The following ANKRD30A variants were observed in gnomAD, a reference collection of about 807,000 sequenced individuals.
ANKRD30A encodes the protein ankyrin repeat domain-containing protein 30A.
A neutral mutation model predicts 166.3 loss-of-function variants in ANKRD30A; 170 were observed. The observed-to-expected ratio is 1.02, with a 90% CI of 0.90 to 1.16. The LOEUF is 1.16. Among genes scored for constraint, ANKRD30A ranks in the 50% most tolerant of loss-of-function variants. The pLI, the probability that ANKRD30A is intolerant of heterozygous loss-of-function variation, is 0.00. For missense variants in ANKRD30A, 1,630 were observed against 1,518.0 expected (o/e 1.07, Z -1.23); for synonymous variants, 564 against 508.9 (o/e 1.11, Z -1.46).
chr10:37,171,365 T>G (rs1839549105), intron 21 of ANKRD30A, among the ~76,000 whole-genome samples: 1 of 147,414 alleles, frequency 6.8e-6, no homozygotes, highest in African/African-American at 2.5e-5. Flanking sequence ...CTGTTAGAAA[T>G]TAAAATGAAA....
At chr10:37,142,626 C>T (rs1271719314) in intron 7 of ANKRD30A, among the ~76,000 whole-genome samples, 2 of 136,900 alleles carry the variant, frequency 1.5e-5, no homozygotes, top group Non-Finnish European at 3.0e-5. Flanking sequence ...GAACTGTCCC[C>T]TGGGCTGGAG....
In ANKRD30A at chr10:37,152,096, A is replaced by G. The variant is rs1298299193; in HGVS notation, c.1682A>G (p.Tyr561Cys). 3 of 1,609,624 alleles carry G rather than the reference A, an allele frequency of 1.9e-6. No individual in the cohort carries two copies. Among genetic ancestry groups the G allele is most frequent in the African/African-American group, 2.7e-5 (2 of 74,858 alleles). The change falls in exon 12 of 36, where the codon TAT (tyrosine) becomes TGT (cysteine). Residue 561 changes from tyrosine to cysteine, a missense_variant. Transcript: ENST00000361713. The stretch of plus-strand genomic sequence containing the variant: ...CCACCAGAATCCAAACAAAAGGACT[A>G]TGAAGAAAATTCTTGGGATTCTGAG... Reference protein sequence around the residue: ...MFPPESKQKDYEENSWDSESL... With the variant: ...MFPPESKQKDCEENSWDSESL...
In ANKRD30A at chr10:37,162,787, A is replaced by G. The variant is rs1839032876; in HGVS notation, c.1941A>G (p.Glu647=). Residue 647 remains glutamate (E), a synonymous_variant, in exon 17 of 36, where the codon GAA becomes GAG. Transcript: ENST00000361713. ...GKPSAFEPAT[E]MQKSVPNKAL... Reference sequence around the variant, plus strand: ...CCAACCCCATTTAGCCTGCCACTGAAATGCAAAAGTCTGTCCCAAATAAAG... The same window carrying G: ...CCAACCCCATTTAGCCTGCCACTGAGATGCAAAAGTCTGTCCCAAATAAAG... The G allele has an allele frequency of 6.2e-7, 1 of 1,613,768 alleles. No individual in the cohort carries two copies. The highest frequency in any genetic ancestry group is 1.3e-5 in the African/African-American group (1 of 75,002).
At position 37,217,787 on chromosome 10, in the gene ANKRD30A, A is replaced by G; in HGVS notation, c.3176A>G (p.His1059Arg). The G allele has an allele frequency of 1.9e-6, 3 of 1,600,798 alleles. No homozygotes were observed. The highest frequency in any genetic ancestry group is 2.6e-6 in the Non-Finnish European group (3 of 1,172,812). Residue 1059 changes from histidine (H) to arginine (R), a missense_variant, in exon 33 of 36, where the codon CAT becomes CGT. His to Arg is a conservative substitution (Grantham distance 29). Transcript: ENST00000361713. ...GAATTAGGAAGAATCGAAGAGCAGC[A>G]TAGGAAAGAGTTAGAAGTGAAACAA... is the stretch of plus-strand genomic sequence containing the variant. ...REELGRIEEQ[H>R]RKELEVKQQL...
chr10:37,248,563 T>A, the ANKRD30A span, among the ~76,000 whole-genome samples: 1 of 152,198 alleles, frequency 6.6e-6, no homozygotes, highest in Non-Finnish European at 1.5e-5. Context: ...AAGACTTTTT[T>A]AGGCAATCAC....
At chr10:37,152,357 C>G (rs1377944902) in intron 12 of ANKRD30A, among the ~76,000 whole-genome samples, 1 of 152,036 alleles carries the variant, frequency 6.6e-6, no homozygotes, top group African/African-American at 2.4e-5. Flanking sequence ...AGTGTAAAAA[C>G]TAAGGCTTAG....
At chr10:37,126,074 A>C in intron 1 of ANKRD30A, 66 bp downstream of exon 1, 3 of 1,535,636 alleles carry the variant, frequency 2.0e-6, no homozygotes, top group Non-Finnish European at 2.7e-6. Context: ...TCGCCCCTTC[A>C]GAGTCGGGGG....
At chr10:37,141,670 G>A in intron 6 of ANKRD30A, 48 bp from the exon 7 acceptor site, 1 of 1,600,342 alleles carries the variant, frequency 6.2e-7, no homozygotes, top group Non-Finnish European at 8.5e-7. Context: ...GAGTCAGGAG[G>A]ATGATATTTA....
At chr10:37,161,084 T>C (rs1232872562) in intron 15 of ANKRD30A, among the ~76,000 whole-genome samples, 1 of 152,184 alleles carries the variant, frequency 6.6e-6, no homozygotes, top group East Asian at 1.9e-4. Context: ...AAACCCTGTC[T>C]CTACTAAAAA....
chr10:37,197,660 T>A (rs190514091), intron 29 of ANKRD30A, among the ~76,000 whole-genome samples, 180 bp downstream of exon 29: 1 of 151,662 alleles, frequency 6.6e-6, no homozygotes, highest in Non-Finnish European at 1.5e-5. Context: ...TTTTCAATAT[T>A]TTTTTTAAAA....
intron 5 of ANKRD30A, among the ~76,000 whole-genome samples, chr10:37,134,562 A>T (rs576377354): frequency 6.6e-6 from 1 of 152,204 alleles, no homozygotes; most frequent in Non-Finnish European, 1.5e-5. Flanking sequence ...CTCAGTCTTC[A>T]TGGTGATCCA....
intron 31 of ANKRD30A, among the ~76,000 whole-genome samples, chr10:37,213,756 C>T (rs772354333): frequency 6.6e-6 from 1 of 151,546 alleles, no homozygotes; most frequent in Non-Finnish European, 1.5e-5. Flanking sequence ...TTTGAACCAA[C>T]CCAGGGTTAT....
intron 3 of ANKRD30A, among the ~76,000 whole-genome samples, chr10:37,131,093 A>G (rs545740691): frequency 6.6e-6 from 1 of 152,288 alleles, no homozygotes; most frequent in East Asian, 1.9e-4. Context: ...ATCATCTTCT[A>G]TTAGAATGCC....
At chr10:37,255,330 G>A in the ANKRD30A span, among the ~76,000 whole-genome samples, 2 of 151,968 alleles carry the variant, frequency 1.3e-5, no homozygotes, top group African/African-American at 2.4e-5. Context: ...TTGTTCCAGT[G>A]ATAAACACAC....
At chr10:37,158,708 A>T in intron 15 of ANKRD30A, 122 bp downstream of exon 15, 1 of 1,380,784 alleles carries the variant, frequency 7.2e-7, no homozygotes, top group Non-Finnish European at 9.8e-7. Flanking sequence ...TTTTGATACA[A>T]TAATGCCAAT....
the ANKRD30A span, among the ~76,000 whole-genome samples, chr10:37,252,274 C>T: frequency 6.6e-6 from 1 of 152,134 alleles, no homozygotes; most frequent in Non-Finnish European, 1.5e-5. Context: ...ACCGATTCCT[C>T]ATCTTTTAAG....
In ANKRD30A at chr10:37,142,072, C is replaced by T. The variant is rs754240233; in HGVS notation, c.1175C>T (p.Pro392Leu). The T allele has an allele frequency of 1.9e-6, 3 of 1,608,020 alleles. No homozygotes were observed. Among genetic ancestry groups the T allele is most frequent in the East Asian group, 4.5e-5 (2 of 44,706 alleles). ...KIAWEKKEDT[P>L]REIMSPAKET... ...GCATGGGAGAAAAAAGAAGACACAC[C>T]TAGGGAAATTATGAGTCCCGCAAAA... Residue 392 changes from proline to leucine, a missense_variant, in exon 7 of 36, where the codon CCT becomes CTT. Coordinates refer to ENST00000361713, the MANE Select transcript of ANKRD30A (RefSeq NM_052997.3).
chr10:37,159,684 A>G (rs1444268158), intron 15 of ANKRD30A, among the ~76,000 whole-genome samples: 1 of 151,306 alleles, frequency 6.6e-6, no homozygotes, highest in Admixed American at 6.6e-5. Flanking sequence ...TTTTGTTTGT[A>G]TTTTTTTCTT....
rs968051651 is a variant in ANKRD30A at position 37,216,404 on chromosome 10, C to A, written c.3083+10C>A. On this transcript the variant is annotated intron_variant, in intron 32 of 35. Coordinates refer to ENST00000361713, the MANE Select transcript of ANKRD30A (RefSeq NM_052997.3). ...AGCTCTGCAGTGTGAGGTGTGATTT[C>A]CTAGTTTTAAATAAATATTTCAGCT... The A allele has an allele frequency of 6.4e-7, 1 of 1,573,016 alleles. No individual in the cohort carries two copies. Among genetic ancestry groups the A allele is most frequent in the Non-Finnish European group, 8.6e-7 (1 of 1,162,824 alleles).
Sources: gnomAD v4.1 joint callset for allele counts (sites outside exome capture counted in the v4.1 genomes callset) on GRCh38, gnomAD v4.1.1 for gene constraint, MANE v1.5 for transcripts, NCBI Gene and HGNC (gene_info 2026-07-23, HGNC 2026-07-21) for gene names.